Variants in WDR49 observed in about 807,000 individuals in gnomAD.
The protein encoded by WDR49 is cilia- and flagella-associated protein 337.
In WDR49, 107 loss-of-function variants were observed where a neutral mutation model predicts 119.5. The observed-to-expected ratio is 0.90, with a 90% CI of 0.77 to 1.05. The LOEUF (loss-of-function observed/expected upper bound fraction) is 1.05, where lower values mean the gene tolerates loss of function less well. Among genes scored for constraint, WDR49 ranks in the 50% least tolerant of loss-of-function variants. WDR49 has a pLI of 0.00. For missense variants in WDR49, 1,240 were observed against 1,220.5 expected (o/e 1.02, Z -0.24); for synonymous variants, 425 against 418.8 (o/e 1.01, Z -0.18).
chr3:167,642,839 A>G (rs1161156180), intron 2 of WDR49, among the ~76,000 whole-genome samples: 1 of 152,000 alleles, frequency 6.6e-6, no homozygotes, highest in African/African-American at 2.4e-5. Flanking sequence ...AAGGGGTCTC[A>G]CACTAGACAA....
At chr3:167,528,904 C>A (rs1324503755) in intron 14 of WDR49, 148 bp downstream of exon 14, 4 of 514,744 alleles carry the variant, frequency 7.8e-6, no homozygotes, top group Non-Finnish European at 1.2e-5. Flanking sequence ...GAAGTCTCTG[C>A]ATGAAACTTG....
At chr3:167,595,330 G>T (rs1455270439) in intron 7 of WDR49, among the ~76,000 whole-genome samples, 2 of 152,088 alleles carry the variant, frequency 1.3e-5, no homozygotes, top group African/African-American at 2.4e-5. Context: ...TCCCCATCAA[G>T]CTACCAATGA....
At chr3:167,609,840 C>T (rs557294436) in intron 5 of WDR49, among the ~76,000 whole-genome samples, 3 of 152,240 alleles carry the variant, frequency 2.0e-5, no homozygotes, top group Non-Finnish European at 2.9e-5. Context: ...TGCCTTGCCT[C>T]TAGGATACCA....
At chr3:167,642,320 G>T (rs760551668) in intron 2 of WDR49, among the ~76,000 whole-genome samples, 1 of 151,808 alleles carries the variant, frequency 6.6e-6, no homozygotes, top group Non-Finnish European at 1.5e-5. Flanking sequence ...AATAAGTCTT[G>T]AATTTTACTT....
chr3:167,579,069 A>G (rs902905298), intron 7 of WDR49, among the ~76,000 whole-genome samples: 1 of 151,942 alleles, frequency 6.6e-6, no homozygotes. Context: ...TCTCTCTCCT[A>G]CCGTCATGTG....
At chr3:167,635,435 A>G (rs573209426) in intron 2 of WDR49, among the ~76,000 whole-genome samples, 2 of 151,876 alleles carry the variant, frequency 1.3e-5, no homozygotes, top group East Asian at 3.9e-4. Flanking sequence ...GAGGAAAAAT[A>G]TATTTCTAAA....
intron 10 of WDR49, among the ~76,000 whole-genome samples, chr3:167,539,920 C>T (rs998558575): frequency 1.3e-5 from 2 of 151,994 alleles, no homozygotes; most frequent in Admixed American, 6.6e-5. Context: ...ATAATACCTA[C>T]CACGATAGGC....
rs1227802584 is a variant in WDR49, at chr3:167,571,784, CAT to C, written c.1509+4132_1509+4133del. On this transcript the variant is annotated intron_variant, in intron 8 of 18. Coordinates refer to ENST00000682715, the MANE Select transcript of WDR49 (RefSeq NM_001366157.1). The stretch of plus-strand genomic sequence containing the variant: ...CATTGCTTTAATTTCTTACAATAAT[CAT>C]GTAACATTTTGCATGCAATTACCAA... Among the ~76,000 whole-genome samples the C allele has an allele frequency of 2.6e-5, 4 of 152,252 alleles. No homozygotes were observed. The South Asian group carries it at 6.2e-4, about 24-fold the overall frequency.
At chr3:167,495,884 A>AAAAAAAAAAAAAAT (rs1751336607) in intron 18 of WDR49, among the ~76,000 whole-genome samples, 1 of 39,932 alleles carries the variant, frequency 2.5e-5, no homozygotes, top group Non-Finnish European at 4.7e-5. Flanking sequence ...TAAAAATTTG[A>AAAAAAAAAAAAAAT]AAAAAAAAAA....
At chr3:167,619,071 T>A (rs1289904905) in intron 5 of WDR49, among the ~76,000 whole-genome samples, 1 of 152,192 alleles carries the variant, frequency 6.6e-6, no homozygotes, top group Non-Finnish European at 1.5e-5. Flanking sequence ...CAACCCTTTC[T>A]AAGACAGCTT....
chr3:167,592,694 A>G (rs1577261312), intron 7 of WDR49, among the ~76,000 whole-genome samples: 1 of 151,968 alleles, frequency 6.6e-6, no homozygotes, highest in East Asian at 1.9e-4. Flanking sequence ...CAGTCTCCCA[A>G]AGTGCTGGGA....
intron 2 of WDR49, among the ~76,000 whole-genome samples, chr3:167,639,364 G>T (rs1163466675): frequency 6.6e-6 from 1 of 151,614 alleles, no homozygotes; most frequent in African/African-American, 2.4e-5. Context: ...CTGATGTTCA[G>T]GCTTATTAAG....
At chr3:167,540,733 A>G (rs1560276439) in intron 10 of WDR49, among the ~76,000 whole-genome samples, 3 of 151,950 alleles carry the variant, frequency 2.0e-5, no homozygotes, top group Admixed American at 6.6e-5. Flanking sequence ...ACAATTCAGA[A>G]GGCAGATTAT....
At chr3:167,512,341 C>A (rs939368407) in intron 16 of WDR49, among the ~76,000 whole-genome samples, 8 of 152,080 alleles carry the variant, frequency 5.3e-5, no homozygotes, top group African/African-American at 1.9e-4. Flanking sequence ...CTAGAGTGGA[C>A]CCCCAGCAAA....
chr3:167,612,936 A>T (rs1716411640), intron 5 of WDR49, among the ~76,000 whole-genome samples: 1 of 152,212 alleles, frequency 6.6e-6, no homozygotes, highest in South Asian at 2.1e-4. Context: ...GGAGGTGAGG[A>T]TTGTTACAAA....
intron 3 of WDR49, 109 bp from the exon 4 acceptor site, chr3:167,621,752 G>A (rs1311975686): frequency 7.6e-6 from 8 of 1,056,136 alleles, no homozygotes; most frequent in African/African-American, 3.2e-5. Context: ...TGTTCTCTGA[G>A]GATCCTTAAC....
chr3:167,584,934 T>C (rs1461946701), intron 7 of WDR49, among the ~76,000 whole-genome samples: 1 of 152,154 alleles, frequency 6.6e-6, no homozygotes, highest in African/African-American at 2.4e-5. Context: ...ACTATCTTTT[T>C]CTTGATCGTA....
At chr3:167,578,385 T>C (rs542970404) in intron 7 of WDR49, among the ~76,000 whole-genome samples, 2 of 152,328 alleles carry the variant, frequency 1.3e-5, no homozygotes, top group South Asian at 2.1e-4. Context: ...TTTACTCTTT[T>C]ACTCTTTCTT....
rs554039110 is a variant in WDR49 at position 167,553,907 on chromosome 3, T to C, written c.1823+743A>G. Among the ~76,000 whole-genome samples, 6 of 152,212 alleles carry C rather than the reference T, an allele frequency of 3.9e-5. 1 individual carries two copies. The South Asian group carries it at 8.3e-4, about 21-fold the overall frequency. ...TGTGATTGATAAAAATCCCCAAATA[T>C]ATACTGCTGGTTTTCTAGGTATAAA... On this transcript the variant is annotated intron_variant, in intron 10 of 18. Transcript: ENST00000682715.
Sources: gnomAD v4.1 joint callset for allele counts (sites outside exome capture counted in the v4.1 genomes callset) on GRCh38, gnomAD v4.1.1 for gene constraint, MANE v1.5 for transcripts, NCBI Gene and HGNC (gene_info 2026-07-23, HGNC 2026-07-21) for gene names.